UNC5D: variants seen among roughly 807,000 people sequenced by gnomAD.
The protein encoded by UNC5D is unc-5 netrin receptor D, also known as netrin receptor UNC5D.
Under a neutral mutation model 105.4 loss-of-function variants are expected in UNC5D, and 39 were observed. The ratio of observed to expected loss-of-function variants is 0.37; its 90% CI spans 0.29 to 0.48. The LOEUF is 0.48. Among genes scored for constraint, UNC5D ranks in the 20% least tolerant of loss-of-function variants. The probability of loss-of-function intolerance (pLI) is 0.98; values close to 1 mark genes in which losing one functional copy is unlikely to be tolerated. For synonymous variants in UNC5D, 452 were observed against 450.4 expected (o/e 1.00, Z -0.04); for missense variants, 991 against 1,202.4 (o/e 0.82, Z 2.60).
intron 11 of UNC5D, among the ~76,000 whole-genome samples, chr8:35,731,539 A>G (rs778158019): frequency 3.5e-4 from 54 of 152,254 alleles, no homozygotes; most frequent in Middle Eastern, 3.4e-3. Flanking sequence ...GACTCTAGAA[A>G]GGAAAAAAAC....
intron 1 of UNC5D, among the ~76,000 whole-genome samples, chr8:35,262,073 G>T (rs576107670): frequency 6.6e-6 from 1 of 152,294 alleles, no homozygotes; most frequent in South Asian, 2.1e-4. Context: ...TCTGGGCACT[G>T]GGACAATGTT....
chr8:35,326,060 C>T (rs1447795024), intron 1 of UNC5D, among the ~76,000 whole-genome samples: 4 of 152,192 alleles, frequency 2.6e-5, no homozygotes, highest in African/African-American at 9.7e-5. Context: ...GTAGAAACTT[C>T]AGTGATGATT....
chr8:35,730,090 T>C (rs1563714342), intron 10 of UNC5D, among the ~76,000 whole-genome samples: 1 of 152,232 alleles, frequency 6.6e-6, no homozygotes, highest in Non-Finnish European at 1.5e-5. Context: ...GCTGCCTTAC[T>C]CAAAGAATAG....
intron 1 of UNC5D, among the ~76,000 whole-genome samples, chr8:35,410,285 G>A (rs1275504858): frequency 6.6e-6 from 1 of 151,796 alleles, no homozygotes; most frequent in East Asian, 1.9e-4. Flanking sequence ...AACCTCAGAA[G>A]TAAAGGAATG....
chr8:35,527,365 G>A (rs1309195279), intron 1 of UNC5D, among the ~76,000 whole-genome samples: 2 of 152,122 alleles, frequency 1.3e-5, no homozygotes, highest in African/African-American at 2.4e-5. Flanking sequence ...TCTGTAGACC[G>A]AGTGGCTTAA....
chr8:35,391,594 C>T (rs978764844), intron 1 of UNC5D, among the ~76,000 whole-genome samples: 8 of 152,216 alleles, frequency 5.3e-5, no homozygotes, highest in South Asian at 2.1e-4. Context: ...GTGACCAACA[C>T]GCTAAATAGG....
chr8:35,728,561 G>C (rs1459612382), intron 10 of UNC5D, among the ~76,000 whole-genome samples: 2 of 152,182 alleles, frequency 1.3e-5, no homozygotes, highest in East Asian at 1.9e-4. Context: ...GAATAAGTTT[G>C]ATGTAAAATA....
intron 7 of UNC5D, among the ~76,000 whole-genome samples, chr8:35,690,770 C>T (rs1019199226): frequency 1.3e-5 from 2 of 152,202 alleles, no homozygotes; most frequent in Non-Finnish European, 2.9e-5. Flanking sequence ...GAGGATAGAG[C>T]TCCAGTGAAG....
chr8:35,652,013 C>A (rs1007630422), intron 4 of UNC5D, among the ~76,000 whole-genome samples: 3 of 152,134 alleles, frequency 2.0e-5, no homozygotes, highest in Admixed American at 2.0e-4. Flanking sequence ...CTCTAGGCTA[C>A]ACACTAAAAA....
intron 1 of UNC5D, among the ~76,000 whole-genome samples, chr8:35,283,778 T>C (rs914831537): frequency 1.4e-5 from 2 of 145,214 alleles, no homozygotes; most frequent in African/African-American, 5.1e-5. Flanking sequence ...CACTCCAACC[T>C]AGTGACAGAG....
At chr8:35,684,966 G>A (rs1825910184) in intron 6 of UNC5D, among the ~76,000 whole-genome samples, 1 of 152,168 alleles carries the variant, frequency 6.6e-6, no homozygotes, top group Non-Finnish European at 1.5e-5. Flanking sequence ...TTAATACTCA[G>A]ATGACACTGA....
chr8:35,656,412 A>G (rs1343911850), intron 4 of UNC5D, among the ~76,000 whole-genome samples: 8 of 152,242 alleles, frequency 5.3e-5, no homozygotes, highest in Admixed American at 4.6e-4. Flanking sequence ...GTTAATGAAA[A>G]GAGAATTCTA....
At chr8:35,633,100 C>T (rs190978069) in intron 4 of UNC5D, among the ~76,000 whole-genome samples, 4 of 152,180 alleles carry the variant, frequency 2.6e-5, no homozygotes, top group Non-Finnish European at 5.9e-5. Flanking sequence ...CTCTCTGCCT[C>T]CCCAATAGCA....
Position 35,795,939 on chromosome 8 carries a change from C to A in UNC5D, c.*5376C>A, listed in dbSNP as rs934400036. On this transcript the variant is annotated 3_prime_UTR_variant, in exon 17 of 17. Coordinates refer to ENST00000404895, the MANE Select transcript of UNC5D (RefSeq NM_080872.4). ...AAGGAAAACTGGCTCATTCTTCTGA[C>A]CCAAACTCAAAAAATATGAGTACTT... The A allele has an allele frequency of 6.6e-6, 1 of 152,098 alleles. No homozygotes were observed. The highest frequency in any genetic ancestry group is 1.9e-4 in the East Asian group (1 of 5,182). 9.4% of individuals were successfully genotyped at this position (152,098 alleles called of 1,614,324 possible).
intron 1 of UNC5D, among the ~76,000 whole-genome samples, chr8:35,454,855 C>T (rs1211537216): frequency 3.3e-5 from 5 of 152,128 alleles, no homozygotes; most frequent in South Asian, 2.1e-4. Flanking sequence ...TCCTATCTAC[C>T]GTACACGGGT....
intron 12 of UNC5D, among the ~76,000 whole-genome samples, chr8:35,750,237 A>G (rs1353422321): frequency 3.3e-5 from 5 of 151,980 alleles, no homozygotes; most frequent in Non-Finnish European, 5.9e-5. Flanking sequence ...TCCCAGGTTC[A>G]AGTGATTCTC....
chr8:35,682,344 T>A (rs1825725877), intron 4 of UNC5D, among the ~76,000 whole-genome samples: 1 of 152,214 alleles, frequency 6.6e-6, no homozygotes, highest in African/African-American at 2.4e-5. Context: ...TAAAACCAGC[T>A]TTCAGTGAGC....
intron 4 of UNC5D, among the ~76,000 whole-genome samples, chr8:35,667,813 A>T (rs1563648227): frequency 6.6e-6 from 1 of 152,206 alleles, no homozygotes; most frequent in Non-Finnish European, 1.5e-5. Context: ...GTTGCATAGT[A>T]TTTCATTGAG....
chr8:35,281,424 T>C lies in UNC5D; in HGVS notation c.103+45537T>C, dbSNP rs200750104. Among the ~76,000 whole-genome samples, 27 of 5,782 alleles carry C rather than the reference T, an allele frequency of 4.7e-3. No homozygotes were observed. The East Asian group carries it at 0.5, about 107-fold the overall frequency. 3.8% of individuals were successfully genotyped at this position (5,782 alleles called of 152,430 possible). Reference sequence around the variant, plus strand: ...TTCTCTTTTAATACTTTTTTTTTCTTTTTTTTTTTTTGCCAAACTCCTCTT... The same window carrying C: ...TTCTCTTTTAATACTTTTTTTTTCTCTTTTTTTTTTTGCCAAACTCCTCTT... On this transcript the variant is annotated intron_variant, in intron 1 of 16. Coordinates refer to ENST00000404895, the MANE Select transcript of UNC5D (RefSeq NM_080872.4).
Sources: gnomAD v4.1 joint callset for allele counts (sites outside exome capture counted in the v4.1 genomes callset) on GRCh38, gnomAD v4.1.1 for gene constraint, MANE v1.5 for transcripts, NCBI Gene and HGNC (gene_info 2026-07-23, HGNC 2026-07-21) for gene names.